The following EPC1 variants were observed in gnomAD, a reference collection of about 807,000 sequenced individuals.
EPC1 encodes enhancer of polycomb 1.
Under a neutral mutation model 98.4 loss-of-function variants are expected in EPC1, and 12 were observed. The ratio of observed to expected loss-of-function variants is 0.12; its 90% CI spans 0.08 to 0.20. The LOEUF is 0.20. Among genes scored for constraint, EPC1 ranks in the 10% least tolerant of loss-of-function variants. EPC1 has a pLI of 1.00. For missense variants in EPC1, 729 were observed against 990.5 expected (o/e 0.74, Z 3.54); for synonymous variants, 357 against 363.9 (o/e 0.98, Z 0.21).
chr10:32,299,811 C>T lies in EPC1; in HGVS notation c.313+5961G>A, dbSNP rs116624129. Among the ~76,000 whole-genome samples, 1,155 of 152,226 alleles carry T rather than the reference C, an allele frequency of 7.6e-3. 19 individuals carry two copies. Among genetic ancestry groups the T allele is most frequent in the African/African-American group, 0.025 (1,030 of 41,504 alleles). ...ATTAATGAGTAGTTTGTGGAGAGAG[C>T]TTAAAGCCATGCAAATCTCCTCATC... is the stretch of plus-strand genomic sequence containing the variant. On this transcript the variant is annotated intron_variant, in intron 2 of 13. Transcript: ENST00000319778.
At chr10:32,270,396 T>A (rs574103646) in intron 13 of EPC1, among the ~76,000 whole-genome samples, 107 of 152,342 alleles carry the variant, frequency 7.0e-4, no homozygotes, top group Non-Finnish European at 1.3e-3. Context: ...TAACTACCCT[T>A]AATTCTACAA....
Position 32,347,135 on chromosome 10 carries a change from T to C in EPC1, c.-220A>G. On this transcript the variant is annotated 5_prime_UTR_variant, in exon 1 of 14. An upstream start codon of the reference 5' UTR is lost. Transcript: ENST00000319778. Reference sequence around the variant, plus strand: ...TCTCTTCAATACGCCATGGCCAACATGGCGGACATTAAAACTCCACTGTGC... The same window carrying C: ...TCTCTTCAATACGCCATGGCCAACACGGCGGACATTAAAACTCCACTGTGC... 4 of 1,423,516 alleles carry C rather than the reference T, an allele frequency of 2.8e-6. No individual in the cohort carries two copies. The highest frequency in any genetic ancestry group is 3.7e-6 in the Non-Finnish European group (4 of 1,093,062). The allele number at this position is 1,423,516 out of a possible 1,614,324, so 88.2% of individuals were successfully genotyped here.
chr10:32,306,889 C>A (rs1835905116), intron 1 of EPC1, among the ~76,000 whole-genome samples: 1 of 150,158 alleles, frequency 6.7e-6, no homozygotes, highest in Admixed American at 6.6e-5. Context: ...CACACACAAA[C>A]AAGTTCATGG....
intron 1 of EPC1, among the ~76,000 whole-genome samples, chr10:32,364,002 ATTT>A (rs35887256): frequency 1.3e-4 from 9 of 69,270 alleles, no homozygotes; most frequent in African/African-American, 5.3e-4. Context: ...TCATGTTGGC[ATTT>A]TTTTTTTTTT....
chr10:32,291,014 TG>T (rs978833351), intron 6 of EPC1, 148 bp downstream of exon 6: 6 of 623,820 alleles, frequency 9.6e-6, no homozygotes, highest in Non-Finnish European at 1.6e-5. Context: ...TGACCTCAGG[TG>T]ATCTACCCAC....
intron 1 of EPC1, among the ~76,000 whole-genome samples, chr10:32,362,261 G>A (rs981658542): frequency 3.9e-5 from 6 of 152,152 alleles, no homozygotes; most frequent in Admixed American, 2.6e-4. Flanking sequence ...ATGTGATATA[G>A]TTTAGATATG....
At chr10:32,294,319 G>A (rs535820525) in intron 2 of EPC1, among the ~76,000 whole-genome samples, 16 of 152,312 alleles carry the variant, frequency 1.1e-4, no homozygotes, top group Admixed American at 8.5e-4. Flanking sequence ...ATTTGAATAC[G>A]TATAATGAGA....
rs1554822845 is a variant in EPC1, at chr10:32,327,087, A to ACACACT, written c.153+19675_153+19676insAGTGTG. ...GACACACACACACACACACACACAC[A>ACACACT]CACTCACAATGGAATAATATTCAGC... is the stretch of plus-strand genomic sequence containing the variant. On this transcript the variant is annotated intron_variant, in intron 1 of 13. Coordinates refer to ENST00000319778, the MANE Select transcript of EPC1 (RefSeq NM_001272004.3). Among the ~76,000 whole-genome samples the ACACACT allele has an allele frequency of 3.5e-3, 524 of 151,470 alleles. 3 individuals are homozygous for ACACACT. The highest frequency in any genetic ancestry group is 0.01 in the Middle Eastern group (3 of 294).
upstream of EPC1, among the ~76,000 whole-genome samples, chr10:32,348,053 G>A (rs1019079488): frequency 1.3e-5 from 2 of 152,126 alleles, no homozygotes; most frequent in Admixed American, 1.3e-4. Context: ...TCTAGCTCAT[G>A]ATTCTGTACT....
rs141872794 is a variant in EPC1 at position 32,370,250 on chromosome 10, T to C, written c.3+8241A>G. Reference sequence around the variant, plus strand: ...CTTCACTCCACAGAACTGGTTTCACTGTCATTAATCTTTATGTAGGTCTGG... The same window carrying C: ...CTTCACTCCACAGAACTGGTTTCACCGTCATTAATCTTTATGTAGGTCTGG... On this transcript the variant is annotated intron_variant, in intron 1 of 13. Transcript: ENST00000375110. Among the ~76,000 whole-genome samples, 9 of 152,330 alleles carry C rather than the reference T, an allele frequency of 5.9e-5. No homozygotes were observed. The East Asian group carries it at 1.5e-3, about 26-fold the overall frequency.
At chr10:32,337,585 T>C (rs1341529219) in intron 1 of EPC1, among the ~76,000 whole-genome samples, 1 of 152,220 alleles carries the variant, frequency 6.6e-6, no homozygotes, top group Non-Finnish European at 1.5e-5. Flanking sequence ...CTGAAAACTC[T>C]CAAGGCAGTG....
intron 1 of EPC1, among the ~76,000 whole-genome samples, chr10:32,374,853 G>A (rs539716348): frequency 1.3e-5 from 2 of 151,784 alleles, no homozygotes; most frequent in South Asian, 4.2e-4. Context: ...AATAGATGGG[G>A]GAAGATCTAG....
chr10:32,282,805 T>C (rs1006480499), intron 10 of EPC1: 7 of 152,214 alleles, frequency 4.6e-5, no homozygotes, highest in African/African-American at 1.4e-4. Flanking sequence ...AAGATGGAGA[T>C]TGATGGAACA....
At chr10:32,337,786 T>C (rs969489648) in intron 1 of EPC1, among the ~76,000 whole-genome samples, 3 of 152,202 alleles carry the variant, frequency 2.0e-5, no homozygotes, top group Admixed American at 2.0e-4. Context: ...GTCCCCTTTT[T>C]CATCTTCTAT....
chr10:32,332,031 T>C (rs1469953798), intron 1 of EPC1, among the ~76,000 whole-genome samples: 1 of 152,234 alleles, frequency 6.6e-6, no homozygotes, highest in East Asian at 1.9e-4. Context: ...AAGTTATCAT[T>C]GACTACCTAG....
At chr10:32,278,443 A>T (rs2986926) in intron 10 of EPC1, among the ~76,000 whole-genome samples, 1 of 93,704 alleles carries the variant, frequency 1.1e-5, no homozygotes, top group Non-Finnish European at 2.0e-5. Flanking sequence ...GTGCAGTGGC[A>T]GGATCTCGGC....
intron 1 of EPC1, among the ~76,000 whole-genome samples, chr10:32,376,522 T>A (rs1249244617): frequency 2.6e-5 from 4 of 152,058 alleles, no homozygotes; most frequent in African/African-American, 9.7e-5. Flanking sequence ...CATTTACATT[T>A]TATGAATAGC....
At chr10:32,319,179 T>C (rs1041881362) in intron 1 of EPC1, among the ~76,000 whole-genome samples, 1 of 152,088 alleles carries the variant, frequency 6.6e-6, no homozygotes, top group Non-Finnish European at 1.5e-5. Flanking sequence ...TATGGTAACA[T>C]AAAAAACAGG....
chr10:32,364,894 G>A (rs2490519), intron 1 of EPC1, among the ~76,000 whole-genome samples: 4 of 147,062 alleles, frequency 2.7e-5, no homozygotes, highest in Non-Finnish European at 5.9e-5. Context: ...AATATTACGA[G>A]AATTTTTTCA....
Sources: gnomAD v4.1 joint callset for allele counts (sites outside exome capture counted in the v4.1 genomes callset) on GRCh38, gnomAD v4.1.1 for gene constraint, MANE v1.5 for transcripts, NCBI Gene and HGNC (gene_info 2026-07-23, HGNC 2026-07-21) for gene names.